Variants in MAGI1 observed in about 807,000 individuals in gnomAD.
The protein encoded by MAGI1 is membrane associated guanylate kinase, WW and PDZ domain containing 1, also known as membrane-associated guanylate kinase, WW and PDZ domain-containing protein 1.
In MAGI1, 58 loss-of-function variants were observed where a neutral mutation model predicts 139.9. The ratio of observed to expected loss-of-function variants is 0.41; its 90% confidence interval spans 0.34 to 0.52. MAGI1 has a LOEUF of 0.52. MAGI1 is among the 20% of genes least tolerant of loss of function. The probability of loss-of-function intolerance (pLI) is 0.12; values close to 1 mark genes in which losing one functional copy is unlikely to be tolerated. For synonymous variants in MAGI1, 812 were observed against 737.9 expected, an observed-to-expected ratio of 1.10 and a Z score of -1.63; for missense variants, 1,874 against 1,901.6, an observed-to-expected ratio of 0.99 and a Z score of 0.27.
chr3:65,499,118 C>T (rs760254296), intron 2 of MAGI1: 26 of 783,148 alleles, frequency 3.3e-5, no homozygotes, highest in South Asian at 2.3e-4. Flanking sequence ...GTCAACTCCA[C>T]GATTTGTTTT....
chr3:65,383,262 T>G (rs1198881349), intron 15 of MAGI1, among the ~76,000 whole-genome samples: 12 of 152,202 alleles, frequency 7.9e-5, no homozygotes, highest in African/African-American at 2.9e-4. Flanking sequence ...GCTTTCTGTT[T>G]TCATCTCCCT....
intron 1 of MAGI1, among the ~76,000 whole-genome samples, chr3:66,002,573 T>G (rs935396974): frequency 6.6e-6 from 1 of 152,150 alleles, no homozygotes; most frequent in Non-Finnish European, 1.5e-5. Context: ...TGGAGTACAG[T>G]GGCGCGATCT....
chr3:65,486,014 G>C (rs950814101), intron 3 of MAGI1, among the ~76,000 whole-genome samples: 1 of 152,128 alleles, frequency 6.6e-6, no homozygotes, highest in African/African-American at 2.4e-5. Flanking sequence ...GACAGAGTTT[G>C]CCAACAGAGC....
Position 65,991,065 on chromosome 3 carries a change from G to A in MAGI1, c.313+46931C>T, listed in dbSNP as rs2066144888. 2.6e-5 allele frequency among the ~76,000 whole-genome samples: 4 copies of A among 152,210 alleles called. No homozygotes were observed. In the South Asian group the frequency reaches 8.3e-4, roughly 32 times the overall value. On this transcript the variant is annotated intron_variant, in intron 1 of 22. Coordinates refer to ENST00000402939, the MANE Select transcript of MAGI1 (RefSeq NM_001033057.2). ...GCACTTTGGGAGGCCAAGGTGGGCA[G>A]ATCACTTGAGGTCAGGAGTTGGAGA...
intron 21 of MAGI1, 35 bp downstream of exon 21, chr3:65,363,430 C>A (rs750375462): frequency 3.8e-6 from 6 of 1,570,726 alleles, no homozygotes; most frequent in Non-Finnish European, 5.2e-6. Context: ...CAGATGGTTT[C>A]TTTGCACCTA....
chr3:65,677,201 GA>G (rs780000254), intron 1 of MAGI1, among the ~76,000 whole-genome samples: 1 of 152,208 alleles, frequency 6.6e-6, no homozygotes, highest in Non-Finnish European at 1.5e-5. Context: ...AAACATTTAG[GA>G]TTTTTTTTAA....
intron 1 of MAGI1, among the ~76,000 whole-genome samples, chr3:65,842,362 C>CTT (rs10711015): frequency 9.1e-4 from 129 of 142,502 alleles, no homozygotes; most frequent in African/African-American, 3.2e-3. Context: ...TAAATGTGTA[C>CTT]TTTTTTTTTT....
intron 2 of MAGI1, among the ~76,000 whole-genome samples, chr3:65,546,075 A>G (rs538117435): frequency 5.9e-5 from 9 of 152,180 alleles, no homozygotes; most frequent in Non-Finnish European, 7.4e-5. Context: ...GTCCCTCCCC[A>G]GAAACAACCA....
At chr3:65,614,785 G>A (rs13093714) in intron 2 of MAGI1, among the ~76,000 whole-genome samples, 43 of 151,760 alleles carry the variant, frequency 2.8e-4, no homozygotes, top group Admixed American at 5.3e-4. Flanking sequence ...TTTCAGAGCC[G>A]ATCTAAAAGC....
chr3:65,521,203 A>C (rs1293546480), intron 2 of MAGI1, among the ~76,000 whole-genome samples: 5 of 151,870 alleles, frequency 3.3e-5, no homozygotes, highest in Non-Finnish European at 7.4e-5. Flanking sequence ...CTCACATCCC[A>C]CTTCCACTTT....
At chr3:65,935,537 G>A (rs988842342) in intron 1 of MAGI1, among the ~76,000 whole-genome samples, 5 of 152,132 alleles carry the variant, frequency 3.3e-5, no homozygotes, top group African/African-American at 4.8e-5. Flanking sequence ...TGGAAGGATC[G>A]CTTGAGCCCA....
intron 1 of MAGI1, among the ~76,000 whole-genome samples, chr3:65,813,066 G>T (rs61686800): frequency 0.016 from 2,376 of 151,554 alleles, 61 homozygotes; most frequent in African/African-American, 0.054. Flanking sequence ...TTATTAAAGA[G>T]AAGCAACATA....
chr3:65,639,126 G>C (rs2084828682), intron 1 of MAGI1, among the ~76,000 whole-genome samples: 1 of 152,114 alleles, frequency 6.6e-6, no homozygotes, highest in South Asian at 2.1e-4. Flanking sequence ...CTTTTCATTT[G>C]TTAAGTTTCT....
chr3:65,794,359 A>T (rs1267935627), intron 1 of MAGI1, among the ~76,000 whole-genome samples: 1 of 152,162 alleles, frequency 6.6e-6, no homozygotes, highest in South Asian at 2.1e-4. Flanking sequence ...GTTGCTGCTA[A>T]GGCATTTGGT....
intron 1 of MAGI1, among the ~76,000 whole-genome samples, chr3:66,011,221 G>GGA (rs2067304087): frequency 6.6e-6 from 1 of 152,190 alleles, no homozygotes; most frequent in Non-Finnish European, 1.5e-5. Flanking sequence ...CCACATGGCA[G>GGA]CACACATAAA....
At chr3:65,505,674 T>C (rs1438195991) in intron 2 of MAGI1, among the ~76,000 whole-genome samples, 1 of 129,972 alleles carries the variant, frequency 7.7e-6, no homozygotes, top group Non-Finnish European at 1.7e-5. Context: ...TAATAGGGAA[T>C]GACTGCTAAT....
At chr3:65,951,007 GGAA>G (rs747462381) in intron 1 of MAGI1, among the ~76,000 whole-genome samples, 3 of 134,078 alleles carry the variant, frequency 2.2e-5, no homozygotes, top group Non-Finnish European at 4.9e-5. Flanking sequence ...AAGGAAGGAA[GGAA>G]GGAAGGAAGG....
At chr3:65,949,164 T>C (rs1049881443) in intron 1 of MAGI1, among the ~76,000 whole-genome samples, 1 of 152,214 alleles carries the variant, frequency 6.6e-6, no homozygotes, top group African/African-American at 2.4e-5. Context: ...TGCAAGGCCC[T>C]TGGTCCAGAG....
intron 10 of MAGI1, 73 bp downstream of exon 10, chr3:65,437,082 T>C: frequency 9.5e-7 from 1 of 1,056,990 alleles, no homozygotes; most frequent in South Asian, 1.6e-5. Flanking sequence ...GAGATTCCAC[T>C]TTTCAAAATA....
Sources: gnomAD v4.1 joint callset for allele counts (sites outside exome capture counted in the v4.1 genomes callset) on GRCh38, gnomAD v4.1.1 for gene constraint, MANE v1.5 for transcripts, NCBI Gene and HGNC (gene_info 2026-07-23, HGNC 2026-07-21) for gene names.